The following ATP2B2 variants were observed in gnomAD, a reference collection of about 807,000 sequenced individuals.
The protein encoded by ATP2B2 is ATPase plasma membrane Ca2+ transporting 2.
Under a neutral mutation model 120.0 loss-of-function variants are expected in ATP2B2, and 15 were observed. The observed-to-expected ratio is 0.12, with a 90% CI of 0.08 to 0.19. The LOEUF (loss-of-function observed/expected upper bound fraction) is 0.19. Ranked by LOEUF, ATP2B2 falls within the 10% of genes least tolerant of loss-of-function variation. The probability of loss-of-function intolerance (pLI) is 1.00; values close to 1 mark genes in which losing one functional copy is unlikely to be tolerated. For missense variants in ATP2B2, 1,045 were observed against 1,719.8 expected (o/e 0.61, Z 6.94); for synonymous variants, 694 against 700.3 (o/e 0.99, Z 0.14).
intron 1 of ATP2B2, among the ~76,000 whole-genome samples, chr3:10,477,095 T>C (rs1182035587): frequency 6.6e-6 from 1 of 152,248 alleles, no homozygotes; most frequent in Non-Finnish European, 1.5e-5. Flanking sequence ...AATGTGTGGC[T>C]TCCTCCAGGC....
intron 12 of ATP2B2, among the ~76,000 whole-genome samples, chr3:10,369,431 A>G (rs2061162720): frequency 6.6e-6 from 1 of 152,192 alleles, no homozygotes; most frequent in Admixed American, 6.5e-5. Flanking sequence ...ATCTATGACC[A>G]AAAACCTAGT....
At chr3:10,545,791 G>T (rs972944492) in intron 2 of ATP2B2, among the ~76,000 whole-genome samples, 1 of 152,182 alleles carries the variant, frequency 6.6e-6, no homozygotes. Flanking sequence ...TAGGGGATTA[G>T]TTAAGTACAT....
At chr3:10,533,270 G>T (rs1367576689) in intron 3 of ATP2B2, among the ~76,000 whole-genome samples, 1 of 152,174 alleles carries the variant, frequency 6.6e-6, no homozygotes, top group Non-Finnish European at 1.5e-5. Flanking sequence ...GTTGAGTGGT[G>T]TTCTGGCCTC....
intron 3 of ATP2B2, among the ~76,000 whole-genome samples, chr3:10,515,531 A>G (rs1054863056): frequency 6.6e-6 from 1 of 151,914 alleles, no homozygotes; most frequent in African/African-American, 2.4e-5. Flanking sequence ...ACTTGGTGGG[A>G]GCTCTCAGCT....
intron 22 of ATP2B2, chr3:10,336,051 C>T: frequency 6.7e-7 from 1 of 1,483,954 alleles, no homozygotes; most frequent in African/African-American, 1.4e-5. Flanking sequence ...CCCCCATGTC[C>T]TCTGGTGCCC....
rs992776283 is a variant in ATP2B2, at chr3:10,640,458, T to C, written c.-459-20497A>G. 5.9e-5 allele frequency among the ~76,000 whole-genome samples: 9 copies of C among 152,334 alleles called. No homozygotes were observed. The South Asian group carries it at 1.0e-3, about 18-fold the overall frequency. ...ACTGGAGGCAACAAGGGCAAGGCAC[T>C]GGCTTGGGAACTCTTGGTTTCTCTA... On this transcript the variant is annotated intron_variant, in intron 1 of 21. Coordinates refer to the ATP2B2 transcript ENST00000646379.
chr3:10,331,301 C>T (rs537981447), intron 22 of ATP2B2, among the ~76,000 whole-genome samples: 9 of 152,298 alleles, frequency 5.9e-5, no homozygotes, highest in African/African-American at 9.6e-5. Flanking sequence ...ACAAAGAAGG[C>T]GCTGCAGGCC....
Position 10,326,954 on chromosome 3 carries a change from G to T in ATP2B2, c.*1860C>A. 1 of 398,602 alleles carries T rather than the reference G, an allele frequency of 2.5e-6. No homozygotes were observed. The highest frequency in any genetic ancestry group is 4.4e-6 in the Non-Finnish European group (1 of 226,058). 24.7% of individuals were successfully genotyped at this position (398,602 alleles called of 1,614,324 possible). ...CAGCCATCGTGAGGAGGGTCAGCAT[G>T]AGGAATGGATTTTGCAAGAGAGGCG... is the stretch of plus-strand genomic sequence containing the variant. On this transcript the variant is annotated 3_prime_UTR_variant, in exon 23 of 23. Transcript: ENST00000360273.
chr3:10,608,261 A>C (rs2069138069), intron 2 of ATP2B2, among the ~76,000 whole-genome samples: 1 of 152,232 alleles, frequency 6.6e-6, no homozygotes, highest in Non-Finnish European at 1.5e-5. Context: ...AGCCCCCATT[A>C]TAAAGTCTGC....
chr3:10,399,241 C>A (rs1041493244), intron 5 of ATP2B2, among the ~76,000 whole-genome samples: 2 of 152,202 alleles, frequency 1.3e-5, no homozygotes, highest in Admixed American at 6.5e-5. Flanking sequence ...GGCCACAGGG[C>A]TGTAACAATT....
At chr3:10,645,147 A>C (rs184194321) in intron 1 of ATP2B2, among the ~76,000 whole-genome samples, 426 of 152,288 alleles carry the variant, frequency 2.8e-3, no homozygotes, top group African/African-American at 9.8e-3. Context: ...TGGTAAAGCA[A>C]GTGGGGTAAA....
At chr3:10,489,812 C>T (rs760752808) in intron 1 of ATP2B2, among the ~76,000 whole-genome samples, 3 of 152,234 alleles carry the variant, frequency 2.0e-5, no homozygotes, top group Non-Finnish European at 1.5e-5. Flanking sequence ...TCACTAGGAT[C>T]ACTGTCCTTG....
chr3:10,679,853 G>C (rs1359510418), intron 1 of ATP2B2, among the ~76,000 whole-genome samples: 1 of 152,174 alleles, frequency 6.6e-6, no homozygotes, highest in Non-Finnish European at 1.5e-5. Flanking sequence ...CAGGATTGTG[G>C]TATCTCCAGG....
intron 3 of ATP2B2, among the ~76,000 whole-genome samples, chr3:10,407,948 C>A (rs2062474200): frequency 6.6e-6 from 1 of 152,178 alleles, no homozygotes; most frequent in African/African-American, 2.4e-5. Context: ...GGTCCAGGGC[C>A]AGACAGGCAG....
chr3:10,690,665 T>G (rs1405038532), intron 1 of ATP2B2, among the ~76,000 whole-genome samples: 1 of 151,718 alleles, frequency 6.6e-6, no homozygotes, highest in East Asian at 1.9e-4. Flanking sequence ...GACAGAAGAG[T>G]GGCTGAGCCG....
chr3:10,528,189 A>C (rs767481553), intron 3 of ATP2B2, among the ~76,000 whole-genome samples: 2 of 152,082 alleles, frequency 1.3e-5, no homozygotes, highest in Non-Finnish European at 2.9e-5. Flanking sequence ...TTTTGTTCTG[A>C]GGACTCTCTG....
chr3:10,552,937 G>A (rs1411860228), intron 2 of ATP2B2, among the ~76,000 whole-genome samples: 1 of 152,212 alleles, frequency 6.6e-6, no homozygotes, highest in Non-Finnish European at 1.5e-5. Flanking sequence ...TCTATGAAGT[G>A]GGAGCTAACA....
At chr3:10,436,021 C>T (rs933571070) in intron 2 of ATP2B2, among the ~76,000 whole-genome samples, 4 of 152,054 alleles carry the variant, frequency 2.6e-5, no homozygotes, top group Non-Finnish European at 5.9e-5. Flanking sequence ...TCAAAGTGTC[C>T]CCACCTTCCT....
chr3:10,612,002 A>G (rs1214649679), intron 2 of ATP2B2, among the ~76,000 whole-genome samples: 1 of 152,180 alleles, frequency 6.6e-6, no homozygotes, highest in African/African-American at 2.4e-5. Context: ...TCTGCCAGCC[A>G]GCATCGCATT....
Sources: allele counts gnomAD v4.1 joint callset (sites outside exome capture counted in the v4.1 genomes callset), GRCh38; gene constraint gnomAD v4.1.1; transcripts MANE v1.5; gene names NCBI Gene and HGNC (gene_info 2026-07-23, HGNC 2026-07-21).